Variants in KIF24 observed in about 807,000 individuals in gnomAD.
The protein encoded by KIF24 is kinesin family member 24.
A neutral mutation model predicts 118.9 loss-of-function variants in KIF24; 81 were observed. That is an observed-to-expected ratio of 0.68 (90% CI 0.57 to 0.82). KIF24 has a LOEUF of 0.82. KIF24 is among the 40% of genes least tolerant of loss of function. KIF24 has a pLI of 0.00. For synonymous variants in KIF24, 599 were observed against 610.0 expected, an observed-to-expected ratio of 0.98 and a Z score of 0.27; for missense variants, 1,560 against 1,661.6, an observed-to-expected ratio of 0.94 and a Z score of 1.06.
At chr9:34,254,812 C>T (rs1045646984) in intron 12 of KIF24, among the ~76,000 whole-genome samples, 3 of 152,120 alleles carry the variant, frequency 2.0e-5, no homozygotes, top group Non-Finnish European at 2.9e-5. Flanking sequence ...CCCGACAAAC[C>T]GCTAGGAAGG....
At position 34,256,373 on chromosome 9, in the gene KIF24, G is replaced by T; in HGVS notation, c.3234C>A (p.His1078Gln). ...CCCCTGTGCTCTCTGCCACTAGACT[G>T]TGCGTAGCCCCATCCTGGACCAGCT... Reference protein sequence around the residue: ...SEQLVQDGATHSLVAESTGGP... With the variant: ...SEQLVQDGATQSLVAESTGGP... Residue 1078 changes from histidine (H) to glutamine (Q), a missense_variant, in exon 11 of 13, where the codon CAC becomes CAA. Physicochemically the swap from His to Gln is conservative, Grantham distance 24. Around this residue, in one of 3 missense-constraint regions of KIF24, gnomAD observed 591 missense variants for 655.6 expected, o/e 0.90. Transcript: ENST00000402558. 1 of 1,613,848 alleles carries T rather than the reference G, an allele frequency of 6.2e-7. No individual in the cohort carries two copies. Among genetic ancestry groups the T allele is most frequent in the South Asian group, 1.1e-5 (1 of 91,088 alleles).
chr9:34,279,066 T>G (rs1333947302), intron 6 of KIF24, among the ~76,000 whole-genome samples: 1 of 152,178 alleles, frequency 6.6e-6, no homozygotes, highest in Non-Finnish European at 1.5e-5. Flanking sequence ...ATTGCACCAC[T>G]GCACTCCTGC....
At chr9:34,311,664 ATATACGTG>A (rs1837155388) in intron 1 of KIF24, among the ~76,000 whole-genome samples, 1 of 103,918 alleles carries the variant, frequency 9.6e-6, no homozygotes, top group South Asian at 3.4e-4. Flanking sequence ...GTATATACAT[ATATACGTG>A]TATATGTATA....
chr9:34,307,763 C>G (rs1431029986), intron 2 of KIF24, among the ~76,000 whole-genome samples: 1 of 147,686 alleles, frequency 6.8e-6, no homozygotes, highest in Non-Finnish European at 1.5e-5. Context: ...AAATATAAAA[C>G]TTAGCTGGGC....
chr9:34,274,648 A>G (rs1190220948), intron 6 of KIF24, among the ~76,000 whole-genome samples: 1 of 1,646 alleles, frequency 6.1e-4, no homozygotes, highest in African/African-American at 9.6e-4. Context: ...TGAACCCGGG[A>G]GGCGGAGGTT....
At chr9:34,309,223 T>C (rs1315800685) in intron 2 of KIF24, among the ~76,000 whole-genome samples, 5 of 152,202 alleles carry the variant, frequency 3.3e-5, no homozygotes, top group Non-Finnish European at 5.9e-5. Context: ...TAGATTTTTA[T>C]GTACTGTTCA....
chr9:34,303,550 T>G (rs1836804262), intron 3 of KIF24, among the ~76,000 whole-genome samples: 1 of 152,166 alleles, frequency 6.6e-6, no homozygotes, highest in Non-Finnish European at 1.5e-5. Flanking sequence ...TACTCATATT[T>G]ATAAATAAGA....
At chr9:34,311,687 TAC>T (rs1346844307) in intron 1 of KIF24, among the ~76,000 whole-genome samples, 3 of 145,150 alleles carry the variant, frequency 2.1e-5, no homozygotes, top group Non-Finnish European at 1.5e-5. Context: ...TGTATATATA[TAC>T]GTATATATGT....
chr9:34,320,919 T>C (rs925506791), intron 1 of KIF24, among the ~76,000 whole-genome samples: 6 of 152,212 alleles, frequency 3.9e-5, no homozygotes, highest in Admixed American at 3.9e-4. Context: ...CTTAGCTATA[T>C]CTGCATTGTT....
In KIF24 at chr9:34,306,304, A is replaced by G. The variant is rs753799905; in HGVS notation, c.761T>C (p.Leu254Pro). 118 of 1,610,610 alleles carry G rather than the reference A, an allele frequency of 7.3e-5. No individual in the cohort carries two copies. Among genetic ancestry groups the G allele is most frequent in the Non-Finnish European group, 9.8e-5 (115 of 1,177,324 alleles). ...TGCTTCTTTCTTCTCATGCACAAGT[A>G]GAGTTTCTTTGTCTTCTACAGTAAT... ...NIITVEDKET[L>P]LVHEKKEAVD... The change falls in exon 3 of 13, where the codon CTA (leucine) becomes CCA (proline). Residue 254 changes from leucine to proline, a missense_variant. Transcript: ENST00000402558.
At chr9:34,283,492 T>C (rs570175535) in intron 6 of KIF24, among the ~76,000 whole-genome samples, 14 of 152,272 alleles carry the variant, frequency 9.2e-5, no homozygotes, top group Non-Finnish European at 1.6e-4. Flanking sequence ...TTACGGTATA[T>C]GAACTACATT....
At chr9:34,293,733 G>A (rs969979509) in intron 4 of KIF24, among the ~76,000 whole-genome samples, 18 of 151,184 alleles carry the variant, frequency 1.2e-4, no homozygotes, top group Non-Finnish European at 2.1e-4. Context: ...CCAACATCGC[G>A]CCACTGCACT....
At chr9:34,271,781 A>ATG in intron 7 of KIF24, 28 bp downstream of exon 7, 1 of 1,611,294 alleles carries the variant, frequency 6.2e-7, no homozygotes, top group Non-Finnish European at 8.5e-7. Flanking sequence ...AAGGCAGACA[A>ATG]TGTAACTCCC....
chr9:34,320,658 C>CAAAAAA (rs68048466), intron 1 of KIF24, among the ~76,000 whole-genome samples: 8 of 54,410 alleles, frequency 1.5e-4, no homozygotes, highest in Admixed American at 5.2e-4. Context: ...AACTCCTTCT[C>CAAAAAA]AAAAAAAAAA....
In KIF24 at chr9:34,256,250, AG is replaced by A; in HGVS notation, c.3356del (p.Pro1119LeufsTer32). 1.2e-6 allele frequency: 2 copies of A among 1,605,458 alleles called. No homozygotes were observed. Among genetic ancestry groups the A allele is most frequent in the African/African-American group, 1.3e-5 (1 of 74,894 alleles). On this transcript the variant is annotated frameshift_variant, in exon 11 of 13. Coordinates refer to ENST00000402558, the MANE Select transcript of KIF24 (RefSeq NM_194313.4). LOFTEE classifies it high-confidence loss of function. ...GAAGATCACCACCAGGCTTATTATC[AG>A]GGGGAGATGAGGACAGCCACAGGTG... ...TRHLWLSSSP[P>X]DNKPGGDLPA...
intron 3 of KIF24, among the ~76,000 whole-genome samples, chr9:34,303,725 T>C (rs1415866151): frequency 6.6e-6 from 1 of 152,156 alleles, no homozygotes; most frequent in Non-Finnish European, 1.5e-5. Flanking sequence ...GGCATGTACC[T>C]GTAGTCCCAG....
upstream of KIF24, among the ~76,000 whole-genome samples, chr9:34,330,753 A>G (rs1460266793): frequency 6.6e-6 from 1 of 152,080 alleles, no homozygotes; most frequent in African/African-American, 2.4e-5. Context: ...CGAGGTCAGG[A>G]GATCGAGACC....
intron 4 of KIF24, among the ~76,000 whole-genome samples, chr9:34,296,494 G>A (rs1343757104): frequency 6.7e-6 from 1 of 150,034 alleles, no homozygotes; most frequent in East Asian, 2.0e-4. Flanking sequence ...CTGAGATCAC[G>A]CCACTGCACT....
intron 3 of KIF24, among the ~76,000 whole-genome samples, chr9:34,297,502 C>T (rs766096263): frequency 3.3e-5 from 5 of 152,136 alleles, no homozygotes; most frequent in Admixed American, 6.5e-5. Context: ...GTGGCTCACG[C>T]CTGTAATCCC....
Sources: gnomAD v4.1 joint callset for allele counts (sites outside exome capture counted in the v4.1 genomes callset) on GRCh38, gnomAD v4.1.1 for gene constraint, gnomAD v4.1.1 regional missense constraint, MANE v1.5 for transcripts, NCBI Gene and HGNC (gene_info 2026-07-23, HGNC 2026-07-21) for gene names.